COG5: variants seen among roughly 807,000 people sequenced by gnomAD.
COG5 encodes the protein component of oligomeric golgi complex 5.
Under a neutral mutation model 110.4 loss-of-function variants are expected in COG5, and 86 were observed. The ratio of observed to expected loss-of-function variants is 0.78; its 90% CI spans 0.65 to 0.93. COG5 has a LOEUF of 0.93. Among genes scored for constraint, COG5 ranks in the 40% least tolerant of loss-of-function variants. The pLI, the probability that COG5 is intolerant of heterozygous loss-of-function variation, is 0.00. For synonymous variants in COG5, 360 were observed against 334.6 expected, an observed-to-expected ratio of 1.08 and a Z score of -0.83; for missense variants, 1,077 against 987.0, an observed-to-expected ratio of 1.09 and a Z score of -1.22.
chr7:107,533,080 G>C (rs138558348), intron 5 of COG5, among the ~76,000 whole-genome samples: 1 of 151,726 alleles, frequency 6.6e-6, no homozygotes, highest in African/African-American at 2.4e-5. Context: ...CTGCAGCAGA[G>C]GGGCCTGACT....
At chr7:107,445,701 G>T (rs1794967370) in intron 6 of COG5, among the ~76,000 whole-genome samples, 1 of 152,080 alleles carries the variant, frequency 6.6e-6, no homozygotes, top group Non-Finnish European at 1.5e-5. Flanking sequence ...AAAAAATATT[G>T]TGATGACTAA....
chr7:107,342,453 G>A (rs190590181), intron 10 of COG5, among the ~76,000 whole-genome samples: 9 of 151,728 alleles, frequency 5.9e-5, no homozygotes, highest in Non-Finnish European at 1.2e-4. Context: ...TGAGGCAGGC[G>A]GATCACCTGA....
At chr7:107,514,522 G>A (rs192369992) in intron 6 of COG5, among the ~76,000 whole-genome samples, 1 of 152,116 alleles carries the variant, frequency 6.6e-6, no homozygotes, top group Non-Finnish European at 1.5e-5. Flanking sequence ...GACACTGGGA[G>A]ACCTACCAAT....
chr7:107,361,902 C>G, intron 10 of COG5, 131 bp downstream of exon 10: 1 of 664,240 alleles, frequency 1.5e-6, no homozygotes, highest in East Asian at 2.8e-5. Flanking sequence ...TTATAGTTGT[C>G]AAGAAATACA....
chr7:107,299,712 T>C (rs1261998410), intron 11 of COG5, among the ~76,000 whole-genome samples: 1 of 151,144 alleles, frequency 6.6e-6, no homozygotes, highest in Admixed American at 6.6e-5. Context: ...CAATATTCCT[T>C]ATCAAGATAG....
At chr7:107,316,264 A>G (rs1206524551) in intron 11 of COG5, among the ~76,000 whole-genome samples, 2 of 152,170 alleles carry the variant, frequency 1.3e-5, no homozygotes, top group African/African-American at 4.8e-5. Flanking sequence ...AGAGAAGGAG[A>G]AATCCAACAC....
intron 7 of COG5, among the ~76,000 whole-genome samples, chr7:107,406,246 A>G (rs894703138): frequency 6.6e-6 from 1 of 152,230 alleles, no homozygotes; most frequent in African/African-American, 2.4e-5. Context: ...CAACAAAATT[A>G]TAGTTCCCTG....
chr7:107,542,907 G>A (rs1176160666), intron 5 of COG5, among the ~76,000 whole-genome samples: 2 of 151,256 alleles, frequency 1.3e-5, no homozygotes, highest in Non-Finnish European at 2.9e-5. Flanking sequence ...GGGAGGCGGA[G>A]GCTGCAGTGA....
intron 7 of COG5, among the ~76,000 whole-genome samples, chr7:107,399,499 C>G (rs1791269164): frequency 6.6e-6 from 1 of 152,018 alleles, no homozygotes; most frequent in Non-Finnish European, 1.5e-5. Flanking sequence ...TTCCCCTTAG[C>G]TCCACACACA....
At chr7:107,396,348 A>G (rs1408658306) in intron 7 of COG5, among the ~76,000 whole-genome samples, 1 of 152,170 alleles carries the variant, frequency 6.6e-6, no homozygotes, top group Non-Finnish European at 1.5e-5. Flanking sequence ...ACCTAATATA[A>G]TTATTTCAGT....
intron 10 of COG5, among the ~76,000 whole-genome samples, chr7:107,352,436 G>A (rs1044339303): frequency 1.4e-5 from 2 of 147,042 alleles, no homozygotes; most frequent in East Asian, 4.0e-4. Flanking sequence ...TTGTGTACAT[G>A]TACCCTAAAA....
chr7:107,290,927 A>G (rs991837843), intron 12 of COG5, among the ~76,000 whole-genome samples: 6 of 152,100 alleles, frequency 3.9e-5, no homozygotes, highest in Admixed American at 3.3e-4. Flanking sequence ...AAGTGCTATG[A>G]TTACAGGCGT....
chr7:107,331,215 C>T (rs1408391313), intron 10 of COG5, among the ~76,000 whole-genome samples: 1 of 152,120 alleles, frequency 6.6e-6, no homozygotes, highest in Non-Finnish European at 1.5e-5. Context: ...GTGGCTCACG[C>T]CTGTAATCCC....
chr7:107,496,675 C>CAA (rs1234633978), intron 6 of COG5, among the ~76,000 whole-genome samples: 4 of 140,228 alleles, frequency 2.9e-5, no homozygotes, highest in East Asian at 2.1e-4. Flanking sequence ...AAACAAAAAA[C>CAA]AAAAAACAAA....
At chr7:107,359,750 G>T (rs1029008458) in intron 10 of COG5, among the ~76,000 whole-genome samples, 3 of 152,138 alleles carry the variant, frequency 2.0e-5, no homozygotes, top group African/African-American at 7.2e-5. Context: ...CTGTACTGAG[G>T]GCTGCACAAA....
intron 11 of COG5, among the ~76,000 whole-genome samples, chr7:107,304,264 C>T (rs1406594492): frequency 6.6e-6 from 1 of 152,150 alleles, no homozygotes; most frequent in African/African-American, 2.4e-5. Flanking sequence ...AGTCTATGTG[C>T]TCAATTTCTC....
At chr7:107,389,841 C>T (rs1352791790) in intron 7 of COG5, among the ~76,000 whole-genome samples, 2 of 152,118 alleles carry the variant, frequency 1.3e-5, no homozygotes, top group Non-Finnish European at 2.9e-5. Flanking sequence ...TTGGCACCTC[C>T]CTTAACACCT....
chr7:107,281,522 C>CTTG, intron 13 of COG5, 123 bp from the exon 14 acceptor site: 1 of 751,650 alleles, frequency 1.3e-6, no homozygotes, highest in Non-Finnish European at 2.3e-6. Flanking sequence ...TTCACTGCTT[C>CTTG]CAAGAACTGG....
chr7:107,285,096 G>A (rs910798951), intron 12 of COG5, among the ~76,000 whole-genome samples: 2 of 152,146 alleles, frequency 1.3e-5, no homozygotes, highest in Non-Finnish European at 2.9e-5. Context: ...CATATTTACT[G>A]AGAATACTAC....
Sources: allele counts gnomAD v4.1 joint callset (sites outside exome capture counted in the v4.1 genomes callset), GRCh38; gene constraint gnomAD v4.1.1; transcripts MANE v1.5; gene names NCBI Gene and HGNC (gene_info 2026-07-23, HGNC 2026-07-21).